CFAP97: variants seen among roughly 807,000 people sequenced by gnomAD.
CFAP97 encodes cilia and flagella associated protein 97, also known as cilia- and flagella-associated protein 97.
CFAP97 carries 36 observed loss-of-function variants against 43.1 expected under a neutral mutation model. The ratio of observed to expected loss-of-function variants is 0.84; its 90% CI spans 0.64 to 1.10. CFAP97 has a LOEUF of 1.10. Ranked by LOEUF, CFAP97 falls within the 50% of genes least tolerant of loss-of-function variation. The pLI is 0.00. For synonymous variants in CFAP97, 228 were observed against 225.7 expected (o/e 1.01, Z -0.09); for missense variants, 657 against 620.3 (o/e 1.06, Z -0.63).
At chr4:185,171,417 A>T (rs1735298904) in intron 3 of CFAP97, among the ~76,000 whole-genome samples, 1 of 152,336 alleles carries the variant, frequency 6.6e-6, no homozygotes, top group South Asian at 2.1e-4. Context: ...GAAAGTAAAA[A>T]AAGGAAAATA....
chr4:185,164,316 T>A (rs1734988586), intron 3 of CFAP97, 137 bp from the exon 4 acceptor site: 1 of 898,808 alleles, frequency 1.1e-6, no homozygotes, highest in Non-Finnish European at 1.6e-6. Context: ...TCACTCAGGC[T>A]GGCCTGGAAC....
At chr4:185,191,609 A>C (rs1319686334) in intron 1 of CFAP97, among the ~76,000 whole-genome samples, 1 of 152,228 alleles carries the variant, frequency 6.6e-6, no homozygotes, top group African/African-American at 2.4e-5. Context: ...AGGCGAGTGG[A>C]CCACGAGGTC....
chr4:185,178,240 CTTTTTTTTTTTT>C (rs562452947), intron 2 of CFAP97, among the ~76,000 whole-genome samples: 7 of 64,222 alleles, frequency 1.1e-4, no homozygotes, highest in Admixed American at 6.4e-4. Context: ...CGGTTTTTGT[CTTTTTTTTTTTT>C]TTTTTTTTTT....
At chr4:185,183,703 CTTTA>C (rs1292570634) in intron 2 of CFAP97, among the ~76,000 whole-genome samples, 3 of 152,160 alleles carry the variant, frequency 2.0e-5, no homozygotes, top group African/African-American at 4.8e-5. Context: ...GTTTAAAATG[CTTTA>C]TTATTATGAA....
rs1160207152 is a variant in CFAP97 at position 185,162,624 on chromosome 4, A to G, written c.*174T>C. 8 of 661,330 alleles carry G rather than the reference A, an allele frequency of 1.2e-5. No individual in the cohort carries two copies. Among genetic ancestry groups the G allele is most frequent in the Non-Finnish European group, 2.0e-5 (8 of 398,996 alleles). The allele number at this position is 661,330 out of a possible 1,614,324, so 41.0% of individuals were successfully genotyped here. The stretch of plus-strand genomic sequence containing the variant: ...TACATCCTCAGGAAACACTTTTTAC[A>G]TTAAATCGTTTTTTGACAATAATTT... On this transcript the variant is annotated 3_prime_UTR_variant, in exon 5 of 5. Transcript: ENST00000458385.
chr4:185,164,096 C>T lies in CFAP97; in HGVS notation c.1404G>A (p.Met468Ile). 13 of 1,613,900 alleles carry T rather than the reference C, an allele frequency of 8.1e-6. No individual in the cohort carries two copies. Among genetic ancestry groups the T allele is most frequent in the Non-Finnish European group, 1.1e-5 (13 of 1,179,830 alleles). Reference protein sequence around the residue: ...SEQLMDYHRNMGYLNSSPLSR... With the variant: ...SEQLMDYHRNIGYLNSSPLSR... ...ACAATGGTGATGAGTTGAGATAGCC[C>T]ATATTGCGATGATAGTCCATCAGTT... The change falls in exon 4 of 5, where the codon ATG becomes ATA. Residue 468 changes from methionine (M) to isoleucine (I), a missense_variant. Met to Ile is a conservative substitution (Grantham distance 10). Coordinates refer to ENST00000458385, the MANE Select transcript of CFAP97 (RefSeq NM_020827.3).
intron 2 of CFAP97, among the ~76,000 whole-genome samples, chr4:185,183,641 T>C (rs1238261159): frequency 6.6e-6 from 1 of 152,216 alleles, no homozygotes; most frequent in Non-Finnish European, 1.5e-5. Flanking sequence ...GAATGATAAT[T>C]TTGAAAAATG....
At chr4:185,208,028 T>C (rs72706066), upstream of CFAP97, among the ~76,000 whole-genome samples, 19,475 of 152,212 alleles carry the variant, frequency 0.13, 1,317 homozygotes, top group African/African-American at 0.15. Context: ...AGGGTACACT[T>C]TGAGGGGCTC....
intron 3 of CFAP97, chr4:185,169,903 G>A: frequency 7.1e-6 from 7 of 988,414 alleles, no homozygotes; most frequent in Non-Finnish European, 8.4e-6. Context: ...AAACCCCAAT[G>A]AAGTAAAGTA....
chr4:185,188,845 A>G (rs1736112907), intron 2 of CFAP97, among the ~76,000 whole-genome samples: 1 of 152,140 alleles, frequency 6.6e-6, no homozygotes, highest in African/African-American at 2.4e-5. Context: ...AGACTTAGCC[A>G]ATAAGAGTGT....
intron 1 of CFAP97, among the ~76,000 whole-genome samples, chr4:185,192,758 T>TTTTTA (rs376440116): frequency 2.3e-5 from 3 of 128,282 alleles, no homozygotes; most frequent in East Asian, 2.3e-4. Flanking sequence ...TTTTTTTTTT[T>TTTTTA]GAGACGGAGT....
At chr4:185,175,694 A>T in intron 3 of CFAP97, 92 bp downstream of exon 3, 5 of 1,190,660 alleles carry the variant, frequency 4.2e-6, no homozygotes, top group Non-Finnish European at 6.0e-6. Flanking sequence ...ATGAAGTTTG[A>T]ATATTTGGCT....
chr4:185,178,511 C>T (rs778377484), intron 2 of CFAP97, among the ~76,000 whole-genome samples: 30 of 152,182 alleles, frequency 2.0e-4, no homozygotes, highest in Non-Finnish European at 1.0e-4. Flanking sequence ...TCCCAAAGTG[C>T]TGGGATTACA....
rs1477975996 is a variant in CFAP97 at position 185,197,143 on chromosome 4, A to C, written c.-16-5931T>G. 2.6e-5 allele frequency among the ~76,000 whole-genome samples: 4 copies of C among 151,346 alleles called. No homozygotes were observed. In the South Asian group the frequency reaches 6.2e-4, roughly 24 times the overall value. ...AAAAAAGACATGTAGCTTAAATTACAAATATAAAAAATAAACATTTTCTTG... is the reference window on the plus strand; with the variant it reads ...AAAAAAGACATGTAGCTTAAATTACCAATATAAAAAATAAACATTTTCTTG... On this transcript the variant is annotated intron_variant, in intron 1 of 4. Transcript: ENST00000458385.
At position 185,160,252 on chromosome 4, in the gene CFAP97, G is replaced by A. The variant is rs1343686865; in HGVS notation, c.*2546C>T. On this transcript the variant is annotated 3_prime_UTR_variant, in exon 5 of 5. Transcript: ENST00000458385. ...TTCGTAGAATCTTACTAAAAAGGAG[G>A]CAACATTAGTTTAAAAAATAACTGA... is the stretch of plus-strand genomic sequence containing the variant. 1.3e-5 allele frequency: 2 copies of A among 151,984 alleles called. No individual in the cohort carries two copies. Among genetic ancestry groups the A allele is most frequent in the Admixed American group, 1.3e-4 (2 of 15,268 alleles). 9.4% of individuals were successfully genotyped at this position (151,984 alleles called of 1,614,324 possible). A position where few individuals can be genotyped will look rare whatever the true frequency, so the allele number is the denominator to read the frequency against.
At chr4:185,167,523 T>C (rs1034195762) in intron 3 of CFAP97, among the ~76,000 whole-genome samples, 6 of 152,136 alleles carry the variant, frequency 3.9e-5, no homozygotes, top group African/African-American at 1.4e-4. Flanking sequence ...ACAGTGATAA[T>C]AAATATAAGC....
rs1736172560 is a variant in CFAP97, at chr4:185,190,215, C to CT, written c.981dup (p.Asp328ArgfsTer9). 1 of 1,613,414 alleles carries CT rather than the reference C, an allele frequency of 6.2e-7. No individual in the cohort carries two copies. Among genetic ancestry groups the CT allele is most frequent in the African/African-American group, 1.3e-5 (1 of 75,012 alleles). On this transcript the variant is annotated frameshift_variant, in exon 2 of 5. Coordinates refer to ENST00000458385, the MANE Select transcript of CFAP97 (RefSeq NM_020827.3). LOFTEE classifies it high-confidence loss of function. ...TTATGTCTGTGGTCTAAACTGGAGT[C>CT]TAACACTGAAGACGACTTTGAGGAG...
intron 3 of CFAP97, among the ~76,000 whole-genome samples, chr4:185,174,200 TC>T (rs1421803030): frequency 1.3e-5 from 2 of 151,696 alleles, no homozygotes; most frequent in Non-Finnish European, 2.9e-5. Flanking sequence ...TTAAATGCGA[TC>T]GGCCCAGAGC....
At chr4:185,202,680 T>C (rs1344102955) in intron 1 of CFAP97, among the ~76,000 whole-genome samples, 1 of 152,140 alleles carries the variant, frequency 6.6e-6, no homozygotes, top group African/African-American at 2.4e-5. Context: ...GATAAGGTCA[T>C]GCAGTCCCCA....
Sources: gnomAD v4.1 joint callset for allele counts (sites outside exome capture counted in the v4.1 genomes callset) on GRCh38, gnomAD v4.1.1 for gene constraint, MANE v1.5 for transcripts, NCBI Gene and HGNC (gene_info 2026-07-23, HGNC 2026-07-21) for gene names.